Variants in DLG2 observed in about 807,000 individuals in gnomAD.
DLG2 encodes disks large homolog 2.
Under a neutral mutation model 132.5 loss-of-function variants are expected in DLG2, and 45 were observed. That is an observed-to-expected ratio of 0.34 (90% confidence interval 0.27 to 0.44). DLG2 has a LOEUF of 0.44. Among genes scored for constraint, DLG2 ranks in the 20% least tolerant of loss-of-function variants. The pLI, the probability that DLG2 is intolerant of heterozygous loss-of-function variation, is 1.00. For synonymous variants in DLG2, 424 were observed against 419.6 expected (o/e 1.01, Z -0.13); for missense variants, 1,045 against 1,196.9 (o/e 0.87, Z 1.87).
At chr11:84,522,774 T>C (rs1427696940) in intron 7 of DLG2, among the ~76,000 whole-genome samples, 1 of 152,250 alleles carries the variant, frequency 6.6e-6, no homozygotes, top group Non-Finnish European at 1.5e-5. Context: ...ATTTTTATAC[T>C]TATTAAACAA....
intron 9 of DLG2, among the ~76,000 whole-genome samples, chr11:84,157,434 A>G (rs996151520): frequency 6.6e-6 from 1 of 152,142 alleles, no homozygotes; most frequent in African/African-American, 2.4e-5. Context: ...CTTTTTAAAA[A>G]AATTTTATTT....
intron 6 of DLG2, among the ~76,000 whole-genome samples, chr11:84,719,439 A>T (rs2061560196): frequency 6.6e-6 from 1 of 152,204 alleles, no homozygotes; most frequent in Non-Finnish European, 1.5e-5. Context: ...CTGGCTTTTC[A>T]CAACAAAAAG....
At chr11:83,544,341 C>T (rs1448806711) in intron 19 of DLG2, among the ~76,000 whole-genome samples, 1 of 152,166 alleles carries the variant, frequency 6.6e-6, no homozygotes, top group Non-Finnish European at 1.5e-5. Flanking sequence ...CCCCAACACA[C>T]TCTCTATAGA....
intron 8 of DLG2, among the ~76,000 whole-genome samples, chr11:84,215,513 GGCTTTTTGCT>G (rs2096824526): frequency 6.6e-6 from 1 of 152,082 alleles, no homozygotes; most frequent in Non-Finnish European, 1.5e-5. Flanking sequence ...GTCAAGAAGG[GGCTTTTTGCT>G]GGTTCAGCTT....
At position 83,456,850 on chromosome 11, in the gene DLG2, G is replaced by GCAGA; in HGVS notation, c.*2964_*2967dup. ...AGCTTTGTGAAGACAGGCTCTTTAA[G>GCAGA]CAGACAGAGCCAACCCAAGAATTTG... On this transcript the variant is annotated 3_prime_UTR_variant, in exon 28 of 28. Coordinates refer to ENST00000376104, the MANE Select transcript of DLG2 (RefSeq NM_001142699.3). The GCAGA allele has an allele frequency of 6.6e-6, 1 of 152,278 alleles. No homozygotes were observed. The highest frequency in any genetic ancestry group is 1.5e-5 in the Non-Finnish European group (1 of 68,024). 9.4% of individuals were successfully genotyped at this position (152,278 alleles called of 1,614,324 possible).
chr11:84,968,355 T>C (rs1447185755), intron 6 of DLG2, among the ~76,000 whole-genome samples: 1 of 152,156 alleles, frequency 6.6e-6, no homozygotes, highest in Admixed American at 6.6e-5. Flanking sequence ...AGGTAACTTC[T>C]GTGTGGGGAG....
chr11:84,897,126 T>C (rs1477919355), intron 6 of DLG2, among the ~76,000 whole-genome samples: 3 of 138,580 alleles, frequency 2.2e-5, no homozygotes, highest in Non-Finnish European at 4.6e-5. Flanking sequence ...TCCTTTGCTT[T>C]TCTTGTACTA....
intron 6 of DLG2, among the ~76,000 whole-genome samples, chr11:84,991,737 G>A (rs977369462): frequency 1.9e-4 from 29 of 152,186 alleles, no homozygotes; most frequent in African/African-American, 6.3e-4. Flanking sequence ...TTACTATTGC[G>A]AAAAACTGGG....
intron 6 of DLG2, among the ~76,000 whole-genome samples, chr11:84,916,801 T>C (rs1015223802): frequency 1.3e-5 from 2 of 152,214 alleles, no homozygotes; most frequent in Admixed American, 6.5e-5. Flanking sequence ...TTGACCTTTC[T>C]CTCTTCAGCC....
intron 6 of DLG2, among the ~76,000 whole-genome samples, chr11:84,780,945 T>A (rs959387932): frequency 2.5e-5 from 3 of 120,340 alleles, no homozygotes; most frequent in Non-Finnish European, 4.9e-5. Flanking sequence ...GCAAGGAACA[T>A]AAAGGATAGA....
intron 3 of DLG2, among the ~76,000 whole-genome samples, chr11:85,464,274 C>T (rs989001245): frequency 2.6e-5 from 4 of 152,076 alleles, no homozygotes; most frequent in Non-Finnish European, 5.9e-5. Flanking sequence ...CCACTGAGAC[C>T]ACAGCATTGC....
At chr11:84,173,696 T>C (rs2095873601) in intron 8 of DLG2, among the ~76,000 whole-genome samples, 1 of 152,196 alleles carries the variant, frequency 6.6e-6, no homozygotes, top group Admixed American at 6.5e-5. Context: ...CCTCTGCAGC[T>C]TTTGTTTGTG....
At chr11:84,004,043 C>A (rs1016903771) in intron 11 of DLG2, among the ~76,000 whole-genome samples, 1 of 152,016 alleles carries the variant, frequency 6.6e-6, no homozygotes, top group African/African-American at 2.4e-5. Context: ...CCTCCTCAAA[C>A]AACTCCATAA....
At chr11:84,594,576 T>C (rs544337513) in intron 6 of DLG2, among the ~76,000 whole-genome samples, 36 of 152,322 alleles carry the variant, frequency 2.4e-4, no homozygotes, top group African/African-American at 8.7e-4. Context: ...AAATTGTGAC[T>C]GAAATACGGA....
intron 26 of DLG2, among the ~76,000 whole-genome samples, chr11:83,465,184 C>CT (rs1042124517): frequency 2.0e-5 from 3 of 152,096 alleles, no homozygotes; most frequent in Non-Finnish European, 4.4e-5. Context: ...CCCGATCTTA[C>CT]TTTTTTTATC....
intron 15 of DLG2, among the ~76,000 whole-genome samples, chr11:83,920,561 T>C (rs991763790): frequency 2.6e-5 from 4 of 152,046 alleles, no homozygotes; most frequent in Non-Finnish European, 4.4e-5. Flanking sequence ...AAAAAATCAT[T>C]CTCACCTCAG....
intron 6 of DLG2, among the ~76,000 whole-genome samples, chr11:84,749,838 A>G (rs2065885226): frequency 6.6e-6 from 1 of 152,160 alleles, no homozygotes; most frequent in African/African-American, 2.4e-5. Flanking sequence ...CGTGTTTAGC[A>G]CTATAGTAGC....
At chr11:84,378,655 G>A (rs1189450740) in intron 7 of DLG2, among the ~76,000 whole-genome samples, 3 of 151,922 alleles carry the variant, frequency 2.0e-5, no homozygotes, top group South Asian at 2.1e-4. Flanking sequence ...TTCAGGCCAG[G>A]CGCGGTGGCT....
At chr11:84,795,475 T>G (rs551746490) in intron 6 of DLG2, among the ~76,000 whole-genome samples, 3 of 152,136 alleles carry the variant, frequency 2.0e-5, no homozygotes, top group Non-Finnish European at 4.4e-5. Flanking sequence ...CAGGATGACC[T>G]GCCTGCAGAG....
Sources: allele counts gnomAD v4.1 joint callset (sites outside exome capture counted in the v4.1 genomes callset), GRCh38; gene constraint gnomAD v4.1.1; transcripts MANE v1.5; gene names NCBI Gene and HGNC (gene_info 2026-07-23, HGNC 2026-07-21).